ZNF569: variants seen among roughly 807,000 people sequenced by gnomAD.
ZNF569 encodes the protein DNA-binding protein.
In ZNF569, 38 loss-of-function variants were observed where a neutral mutation model predicts 56.3. The observed-to-expected ratio is 0.68, with a 90% CI of 0.52 to 0.88. The LOEUF (loss-of-function observed/expected upper bound fraction) is 0.88. ZNF569 is among the 40% of genes least tolerant of loss of function. The pLI is 0.00. For missense variants in ZNF569, 666 were observed against 809.2 expected, an observed-to-expected ratio of 0.82 and a Z score of 2.15; for synonymous variants, 241 against 262.9, an observed-to-expected ratio of 0.92 and a Z score of 0.81.
At chr19:37,427,697 A>T (rs1245522538) in intron 3 of ZNF569, 5 of 434,926 alleles carry the variant, frequency 1.1e-5, no homozygotes, top group African/African-American at 2.0e-5. Flanking sequence ...TCCTGCTGAA[A>T]ATCATGATGC....
chr19:37,446,513 G>GCACT (rs1394181187), intron 2 of ZNF569, among the ~76,000 whole-genome samples: 1 of 138,334 alleles, frequency 7.2e-6, no homozygotes, highest in Admixed American at 8.0e-5. Flanking sequence ...TCACACCACT[G>GCACT]CACTCCAGCC....
At chr19:37,424,839 A>AG in intron 5 of ZNF569, among the ~76,000 whole-genome samples, 1 of 147,568 alleles carries the variant, frequency 6.8e-6, no homozygotes, top group African/African-American at 2.5e-5. Context: ...AAAAAAAAAA[A>AG]GCCGGGCATG....
chr19:37,433,327 GA>G (rs1286944107), intron 3 of ZNF569, among the ~76,000 whole-genome samples: 2 of 152,108 alleles, frequency 1.3e-5, no homozygotes, highest in African/African-American at 4.8e-5. Flanking sequence ...AAATGAGTAA[GA>G]AAGAATGAAG....
Position 37,412,936 on chromosome 19 carries a change from A to C in ZNF569, c.1722T>G (p.Gly574=). The stretch of plus-strand genomic sequence containing the variant: ...ATTCATTACATACATAGGGCTTCTC[A>C]CCTGTGTGACTTCTCATATGTAAAT... ...LLNLHMRSHT[G]EKPYVCNECG... Residue 574 remains glycine (G), a synonymous_variant, in exon 6 of 6, where the codon GGT becomes GGG. Transcript: ENST00000316950. 3 of 1,613,004 alleles carry C rather than the reference A, an allele frequency of 1.9e-6. No homozygotes were observed. Among genetic ancestry groups the C allele is most frequent in the Non-Finnish European group, 2.5e-6 (3 of 1,179,644 alleles).
intron 2 of ZNF569, among the ~76,000 whole-genome samples, chr19:37,464,094 T>A (rs1437815496): frequency 6.6e-6 from 1 of 152,184 alleles, no homozygotes; most frequent in Non-Finnish European, 1.5e-5. Context: ...GTGTTTATAG[T>A]CAACAGTAGA....
intron 2 of ZNF569, 145 bp from the exon 3 acceptor site, chr19:37,445,109 C>G: frequency 1.6e-6 from 1 of 635,982 alleles, no homozygotes; most frequent in Non-Finnish European, 2.6e-6. Context: ...CACAAAGGTT[C>G]TTAATAGGTG....
rs113201716 is a variant in ZNF569, at chr19:37,449,774, G to A, written c.-43-4810C>T. Among the ~76,000 whole-genome samples the A allele has an allele frequency of 4.2e-3, 636 of 151,550 alleles. 4 individuals are homozygous for A. Among genetic ancestry groups the A allele is most frequent in the African/African-American group, 0.015 (628 of 41,304 alleles). On this transcript the variant is annotated intron_variant, in intron 2 of 5. Transcript: ENST00000316950. The stretch of plus-strand genomic sequence containing the variant: ...ATCTTGTAGTCTGGTAGTTAAAATG[G>A]GTTTCTTGTAAAACAGCATTTAGAT...
chr19:37,413,649 G>C lies in ZNF569; in HGVS notation c.1009C>G (p.Arg337Gly), dbSNP rs774136758. Residue 337 changes from arginine to glycine, a missense_variant, in exon 6 of 6, where the codon CGA becomes GGA. Physicochemically the swap from Arg to Gly is moderately radical, Grantham distance 125. Coordinates refer to ENST00000316950, the MANE Select transcript of ZNF569 (RefSeq NM_152484.3). The part of the protein sequence containing the change: ...ACNECGKAFP[R>G]IASLALHMRS... ...ATATGAAGAGCAAGGGATGCAATTC[G>C]AGGGAAGGCTTTACCACATTCATTA... The C allele has an allele frequency of 6.2e-7, 1 of 1,613,942 alleles. No individual in the cohort carries two copies. The highest frequency in any genetic ancestry group is 1.7e-5 in the Admixed American group (1 of 60,008).
chr19:37,467,533 C>G, upstream of ZNF569: 1 of 304,390 alleles, frequency 3.3e-6, no homozygotes, highest in Non-Finnish European at 6.0e-6. Flanking sequence ...TCGGCTGGAG[C>G]TGCAGGTTCG....
intron 3 of ZNF569, among the ~76,000 whole-genome samples, chr19:37,439,814 A>G (rs1455644059): frequency 6.6e-6 from 1 of 152,230 alleles, no homozygotes; most frequent in Non-Finnish European, 1.5e-5. Context: ...CAGAACGACA[A>G]AGCTCACATG....
At chr19:37,442,373 C>A (rs2041420407) in intron 3 of ZNF569, among the ~76,000 whole-genome samples, 1 of 152,062 alleles carries the variant, frequency 6.6e-6, no homozygotes, top group African/African-American at 2.4e-5. Flanking sequence ...TGGGGCAAGA[C>A]AAAGTTGGTC....
intron 2 of ZNF569, among the ~76,000 whole-genome samples, chr19:37,450,645 TTA>T (rs1262423147): frequency 1.3e-5 from 2 of 152,278 alleles, no homozygotes; most frequent in East Asian, 3.9e-4. Flanking sequence ...CTCGTTTCCT[TTA>T]TTTCCTTTCT....
At chr19:37,430,686 C>T (rs1377344513) in intron 3 of ZNF569, among the ~76,000 whole-genome samples, 3 of 152,104 alleles carry the variant, frequency 2.0e-5, no homozygotes, top group South Asian at 2.1e-4. Flanking sequence ...ACTATCCACA[C>T]AAAAAAGCAC....
At chr19:37,433,711 T>A (rs1182635108) in intron 3 of ZNF569, among the ~76,000 whole-genome samples, 7 of 152,116 alleles carry the variant, frequency 4.6e-5, no homozygotes, top group Non-Finnish European at 1.0e-4. Flanking sequence ...ATATTTACAG[T>A]GCTGAAGGAA....
intron 2 of ZNF569, among the ~76,000 whole-genome samples, chr19:37,453,017 C>T (rs567175250): frequency 1.3e-5 from 2 of 152,214 alleles, no homozygotes; most frequent in East Asian, 3.9e-4. Context: ...TATTATCACT[C>T]CCCTGACTGA....
At chr19:37,459,589 A>G (rs2041726488) in intron 2 of ZNF569, among the ~76,000 whole-genome samples, 1 of 152,220 alleles carries the variant, frequency 6.6e-6, no homozygotes, top group Non-Finnish European at 1.5e-5. Flanking sequence ...TAGGCAGAAG[A>G]AAAACAATAT....
At chr19:37,421,381 C>T (rs977683246) in intron 5 of ZNF569, among the ~76,000 whole-genome samples, 22 of 152,310 alleles carry the variant, frequency 1.4e-4, no homozygotes, top group South Asian at 6.2e-4. Context: ...TACATCGGAA[C>T]GCTATTGTTT....
At chr19:37,467,942 T>C, upstream of ZNF569, 1 of 1,536,072 alleles carries the variant, frequency 6.5e-7, no homozygotes, top group Non-Finnish European at 8.7e-7. Flanking sequence ...TGTGACAGTG[T>C]TATTGGATTT....
At chr19:37,440,680 A>G (rs1486455078) in intron 3 of ZNF569, among the ~76,000 whole-genome samples, 6 of 152,162 alleles carry the variant, frequency 3.9e-5, no homozygotes, top group Non-Finnish European at 1.5e-5. Context: ...GACTGAAAGG[A>G]AGTAACAAAA....
Sources: gnomAD v4.1 joint callset for allele counts (sites outside exome capture counted in the v4.1 genomes callset) on GRCh38, gnomAD v4.1.1 for gene constraint, MANE v1.5 for transcripts, NCBI Gene and HGNC (gene_info 2026-07-23, HGNC 2026-07-21) for gene names.